The following CHST11 variants were observed in gnomAD, a reference collection of about 807,000 sequenced individuals.
CHST11 encodes C4S-1.
A neutral mutation model predicts 30.4 loss-of-function variants in CHST11; 9 were observed. The ratio of observed to expected loss-of-function variants is 0.30; its 90% CI spans 0.18 to 0.52. The LOEUF (loss-of-function observed/expected upper bound fraction) is 0.52, where lower values mean the gene tolerates loss of function less well. CHST11 is among the 20% of genes least tolerant of loss of function. The pLI is 0.97. For synonymous variants in CHST11, 152 were observed against 187.8 expected (o/e 0.81, Z 1.56); for missense variants, 348 against 460.6 (o/e 0.76, Z 2.24).
At chr12:104,592,683 G>A (rs1461475306) in intron 1 of CHST11, among the ~76,000 whole-genome samples, 2 of 152,268 alleles carry the variant, frequency 1.3e-5, no homozygotes, top group East Asian at 1.9e-4. Context: ...CCCTAACCAC[G>A]TAGATTCATT....
chr12:104,529,138 G>A (rs1161204649), intron 1 of CHST11, among the ~76,000 whole-genome samples: 2 of 152,352 alleles, frequency 1.3e-5, no homozygotes, highest in East Asian at 3.9e-4. Flanking sequence ...GGCTGGGGAA[G>A]GAGATGAGGG....
chr12:104,627,760 T>TC (rs1301689417), intron 2 of CHST11, among the ~76,000 whole-genome samples: 15 of 150,530 alleles, frequency 1.0e-4, no homozygotes, highest in Admixed American at 3.3e-4. Flanking sequence ...TTTCAAAGTG[T>TC]CTTCTCAGCA....
rs1050069982 is a variant in CHST11, at chr12:104,583,134, A to G, written c.119-18772A>G. Among the ~76,000 whole-genome samples, 12 of 152,240 alleles carry G rather than the reference A, an allele frequency of 7.9e-5. No individual in the cohort carries two copies. The East Asian group carries it at 2.3e-3, about 29-fold the overall frequency. ...CCATGCCTTCCTGCTTATCAAGGCA[A>G]CAGAAATCTTGTACATGGTTTTCTT... On this transcript the variant is annotated intron_variant, in intron 1 of 2. Coordinates refer to ENST00000303694, the MANE Select transcript of CHST11 (RefSeq NM_018413.6).
chr12:104,672,691 G>A (rs1331418629), intron 2 of CHST11, among the ~76,000 whole-genome samples: 1 of 152,334 alleles, frequency 6.6e-6, no homozygotes, highest in African/African-American at 2.4e-5. Context: ...GGCAACAAGC[G>A]TATGCTCTGC....
chr12:104,498,120 G>T (rs753309153), intron 1 of CHST11, among the ~76,000 whole-genome samples: 1 of 151,676 alleles, frequency 6.6e-6, no homozygotes, highest in Non-Finnish European at 1.5e-5. Flanking sequence ...GGGTTTTGCC[G>T]TGTTGGCCAG....
chr12:104,642,511 C>T (rs2039386921), intron 2 of CHST11, among the ~76,000 whole-genome samples: 1 of 152,148 alleles, frequency 6.6e-6, no homozygotes, highest in South Asian at 2.1e-4. Flanking sequence ...AGCAGTCCTC[C>T]CACTTCAGCC....
intron 2 of CHST11, among the ~76,000 whole-genome samples, chr12:104,633,973 T>C (rs767357544): frequency 1.8e-4 from 27 of 152,192 alleles, no homozygotes; most frequent in Non-Finnish European, 2.1e-4. Flanking sequence ...GGTCCTCTCC[T>C]ATTCCCTTCC....
At chr12:104,522,540 G>A (rs1334928420) in intron 1 of CHST11, among the ~76,000 whole-genome samples, 1 of 152,210 alleles carries the variant, frequency 6.6e-6, no homozygotes, top group Non-Finnish European at 1.5e-5. Flanking sequence ...ATCCCAGCAT[G>A]AGCATCAGAT....
chr12:104,600,425 G>T lies in CHST11; in HGVS notation c.119-1481G>T, dbSNP rs1181271141. On this transcript the variant is annotated intron_variant, in intron 1 of 2. Coordinates refer to ENST00000303694, the MANE Select transcript of CHST11 (RefSeq NM_018413.6). This position sits in a 1 kb window ranked among gnomAD's most constrained non-coding sequence, Gnocchi z 4.1. ...TAGAGAAGTTCCCGCCTTCCTCCCA[G>T]GGGGATCTAAAATAGCTTCTGAAAT... 2.0e-5 allele frequency among the ~76,000 whole-genome samples: 3 copies of T among 152,166 alleles called. No homozygotes were observed. Among genetic ancestry groups the T allele is most frequent in the Non-Finnish European group, 4.4e-5 (3 of 68,030 alleles).
At chr12:104,500,222 T>C (rs956078246) in intron 1 of CHST11, among the ~76,000 whole-genome samples, 3 of 152,230 alleles carry the variant, frequency 2.0e-5, no homozygotes, top group African/African-American at 7.2e-5. Context: ...CCTGGCAGCT[T>C]ATATCTGAGC....
At chr12:104,481,847 AT>A (rs4015333) in intron 1 of CHST11, among the ~76,000 whole-genome samples, 21 of 125,756 alleles carry the variant, frequency 1.7e-4, no homozygotes, top group Non-Finnish European at 2.8e-4. Flanking sequence ...TTTCTCTTGC[AT>A]TTTTTTTTTT....
chr12:104,459,207 G>T (rs569106318), intron 1 of CHST11, among the ~76,000 whole-genome samples: 1 of 152,334 alleles, frequency 6.6e-6, no homozygotes, highest in East Asian at 1.9e-4. Flanking sequence ...AATGGACCTG[G>T]CTTGCATTCC....
At chr12:104,566,853 G>A (rs1320212364) in intron 1 of CHST11, among the ~76,000 whole-genome samples, 1 of 151,888 alleles carries the variant, frequency 6.6e-6, no homozygotes, top group Non-Finnish European at 1.5e-5. Context: ...TGGAACCTTA[G>A]AATCTTTTCC....
At chr12:104,579,961 C>A (rs923079952) in intron 1 of CHST11, among the ~76,000 whole-genome samples, 9 of 152,228 alleles carry the variant, frequency 5.9e-5, no homozygotes, top group African/African-American at 1.9e-4. Flanking sequence ...CATCAAGGAG[C>A]ACACAGAATC....
chr12:104,574,305 A>G (rs1240692150), intron 1 of CHST11, among the ~76,000 whole-genome samples: 3 of 152,138 alleles, frequency 2.0e-5, no homozygotes, highest in Non-Finnish European at 4.4e-5. Flanking sequence ...CAGTGTGGCG[A>G]TTCCTCAGGG....
intron 1 of CHST11, among the ~76,000 whole-genome samples, chr12:104,465,647 T>C (rs954379132): frequency 5.3e-5 from 8 of 151,930 alleles, no homozygotes; most frequent in Non-Finnish European, 1.0e-4. Context: ...CTAGGAAACA[T>C]TTAAAGAGTA....
Position 104,676,339 on chromosome 12 carries a change from G to A in CHST11, c.204+74348G>A, listed in dbSNP as rs2039742929. Among the ~76,000 whole-genome samples, 1 of 152,148 alleles carries A rather than the reference G, an allele frequency of 6.6e-6. No individual in the cohort carries two copies. Among genetic ancestry groups the A allele is most frequent in the South Asian group, 2.1e-4 (1 of 4,832 alleles). ...CCCTTGCCTTTTTTAGCTATTAGAT[G>A]CCTTCTGAATTTTTTGGCTCATGGC... On this transcript the variant is annotated intron_variant, in intron 2 of 2. Coordinates refer to ENST00000303694, the MANE Select transcript of CHST11 (RefSeq NM_018413.6). The surrounding 1 kb of genome is among the most constrained non-coding windows in gnomAD (Gnocchi z 4.4).
intron 1 of CHST11, among the ~76,000 whole-genome samples, chr12:104,519,845 G>C (rs77540010): frequency 1.3e-5 from 2 of 152,212 alleles, no homozygotes; most frequent in Non-Finnish European, 2.9e-5. Flanking sequence ...GCAGGACCAG[G>C]ACAGCTGTTC....
chr12:104,573,186 A>G (rs1489445203), intron 1 of CHST11, among the ~76,000 whole-genome samples: 2 of 152,210 alleles, frequency 1.3e-5, no homozygotes, highest in African/African-American at 4.8e-5. Context: ...AGAACTACAA[A>G]CCGCTGCTCA....
Sources: allele counts gnomAD v4.1 joint callset (sites outside exome capture counted in the v4.1 genomes callset), GRCh38; gene constraint gnomAD v4.1.1; non-coding constraint Gnocchi (gnomAD v3.1); transcripts MANE v1.5; gene names NCBI Gene and HGNC (gene_info 2026-07-23, HGNC 2026-07-21).